ULK4: variants seen among roughly 807,000 people sequenced by gnomAD.
ULK4 encodes inactive serine/threonine-protein kinase ULK4.
In ULK4, 133 loss-of-function variants were observed where a neutral mutation model predicts 160.6. That is an observed-to-expected ratio of 0.83 (90% CI 0.72 to 0.96). The LOEUF is 0.96. Among genes scored for constraint, ULK4 ranks in the 40% least tolerant of loss-of-function variants. ULK4 has a pLI of 0.00. For missense variants in ULK4, 1,580 were observed against 1,499.5 expected, an observed-to-expected ratio of 1.05 and a Z score of -0.89; for synonymous variants, 534 against 539.8, an observed-to-expected ratio of 0.99 and a Z score of 0.15.
intron 21 of ULK4, among the ~76,000 whole-genome samples, chr3:41,774,630 G>A (rs1210968677): frequency 6.7e-6 from 1 of 149,664 alleles, no homozygotes; most frequent in Non-Finnish European, 1.5e-5. Context: ...TGGTGGGACT[G>A]TAAACTAGTT....
At chr3:41,373,105 T>C (rs138557568) in intron 35 of ULK4, among the ~76,000 whole-genome samples, 251 of 152,266 alleles carry the variant, frequency 1.6e-3, no homozygotes, top group African/African-American at 5.8e-3. Context: ...TAAATATATA[T>C]GCACCCAATA....
At chr3:41,947,014 TC>T (rs1369643992) in intron 2 of ULK4, among the ~76,000 whole-genome samples, 1 of 152,138 alleles carries the variant, frequency 6.6e-6, no homozygotes, top group Non-Finnish European at 1.5e-5. Context: ...TGTTACATTA[TC>T]CAGCAGTGTC....
intron 35 of ULK4, among the ~76,000 whole-genome samples, chr3:41,291,302 G>A (rs904192058): frequency 6.7e-6 from 1 of 150,222 alleles, no homozygotes; most frequent in African/African-American, 2.5e-5. Flanking sequence ...AGTATAAGAG[G>A]AAAGAAAGGA....
intron 19 of ULK4, among the ~76,000 whole-genome samples, chr3:41,805,607 A>G (rs1264759734): frequency 6.6e-6 from 1 of 151,016 alleles, no homozygotes; most frequent in African/African-American, 2.4e-5. Context: ...TCAGTATGAT[A>G]CTGGCTGTGG....
rs1268538484 is a variant in ULK4, at chr3:41,485,647, T to C, written c.3227-22394A>G. 2.0e-5 allele frequency among the ~76,000 whole-genome samples: 3 copies of C among 152,220 alleles called. No homozygotes were observed. The East Asian group carries it at 5.8e-4, about 29-fold the overall frequency. Reference sequence around the variant, plus strand: ...CTCAGAGTGAGTCCATTCTAGCTGATGTTGCGGGAGGTGTAGAGCAGTATT... The same window carrying C: ...CTCAGAGTGAGTCCATTCTAGCTGACGTTGCGGGAGGTGTAGAGCAGTATT... On this transcript the variant is annotated intron_variant, in intron 32 of 36. Transcript: ENST00000301831.
chr3:41,451,600 T>C (rs1006881998), intron 34 of ULK4, among the ~76,000 whole-genome samples: 4 of 152,224 alleles, frequency 2.6e-5, no homozygotes, highest in South Asian at 4.1e-4. Flanking sequence ...ACATTCAGTC[T>C]TGGATTTCTG....
At chr3:41,552,908 T>C (rs1245869578) in intron 32 of ULK4, among the ~76,000 whole-genome samples, 2 of 152,074 alleles carry the variant, frequency 1.3e-5, no homozygotes, top group East Asian at 1.9e-4. Context: ...ATCAGACATA[T>C]AGATCAATGG....
chr3:41,654,309 T>G (rs537103391), intron 30 of ULK4, among the ~76,000 whole-genome samples: 14 of 152,316 alleles, frequency 9.2e-5, no homozygotes, highest in South Asian at 2.1e-4. Flanking sequence ...GAGGTGCTAT[T>G]TTACTAACAC....
intron 34 of ULK4, among the ~76,000 whole-genome samples, chr3:41,427,497 T>C (rs111423122): frequency 0.013 from 2,023 of 152,304 alleles, 31 homozygotes; most frequent in Non-Finnish European, 0.019. Flanking sequence ...CTGTCCCTGA[T>C]GAACATCAAT....
chr3:41,715,179 CAA>C, intron 25 of ULK4, 56 bp downstream of exon 25: 1 of 1,532,024 alleles, frequency 6.5e-7, no homozygotes, highest in Non-Finnish European at 9.0e-7. Context: ...TCAAATTCTA[CAA>C]ACAGTAGAGG....
At chr3:41,744,703 G>GA (rs1363047838) in intron 22 of ULK4, among the ~76,000 whole-genome samples, 1 of 151,738 alleles carries the variant, frequency 6.6e-6, no homozygotes, top group Non-Finnish European at 1.5e-5. Flanking sequence ...ACAACGCAAT[G>GA]AAACAACAAA....
intron 35 of ULK4, among the ~76,000 whole-genome samples, chr3:41,325,940 A>T (rs1034488139): frequency 2.0e-5 from 3 of 151,938 alleles, no homozygotes; most frequent in Non-Finnish European, 4.4e-5. Flanking sequence ...ATAAATAAGT[A>T]ATAGATATAT....
At chr3:41,492,497 G>T (rs1053835600) in intron 32 of ULK4, among the ~76,000 whole-genome samples, 1 of 150,256 alleles carries the variant, frequency 6.7e-6, no homozygotes, top group African/African-American at 2.5e-5. Flanking sequence ...AGACCATTGA[G>T]ACTAGGAAGA....
At chr3:41,809,115 G>A (rs1446885139) in intron 19 of ULK4, among the ~76,000 whole-genome samples, 2 of 149,016 alleles carry the variant, frequency 1.3e-5, no homozygotes, top group Non-Finnish European at 3.0e-5. Flanking sequence ...GCAGTGAGCC[G>A]TGATCACCCC....
intron 2 of ULK4, among the ~76,000 whole-genome samples, chr3:41,944,168 G>A (rs1027135359): frequency 4.6e-5 from 7 of 152,204 alleles, no homozygotes; most frequent in Non-Finnish European, 8.8e-5. Flanking sequence ...TAAAGTGACA[G>A]TGGCCATCCA....
intron 30 of ULK4, among the ~76,000 whole-genome samples, chr3:41,627,262 T>G (rs2033558237): frequency 6.6e-6 from 1 of 152,170 alleles, no homozygotes; most frequent in Non-Finnish European, 1.5e-5. Flanking sequence ...AATCTCTGCC[T>G]GTTCTGAGCT....
chr3:41,417,343 A>G (rs905800566), intron 34 of ULK4, among the ~76,000 whole-genome samples: 1 of 152,186 alleles, frequency 6.6e-6, no homozygotes, highest in Non-Finnish European at 1.5e-5. Flanking sequence ...AGGAAGGGGA[A>G]TATGTCTAGA....
At chr3:41,961,214 G>C (rs1363267188) in intron 1 of ULK4, among the ~76,000 whole-genome samples, 1 of 152,168 alleles carries the variant, frequency 6.6e-6, no homozygotes, top group Non-Finnish European at 1.5e-5. Flanking sequence ...CGCTGAGAGC[G>C]AACAGGTGAT....
chr3:41,393,095 T>C (rs1398800762), intron 35 of ULK4, among the ~76,000 whole-genome samples: 4 of 152,214 alleles, frequency 2.6e-5, no homozygotes, highest in Admixed American at 2.0e-4. Context: ...GTCTGACCTA[T>C]ATGTGTCTGC....
Sources: gnomAD v4.1 joint callset for allele counts (sites outside exome capture counted in the v4.1 genomes callset) on GRCh38, gnomAD v4.1.1 for gene constraint, MANE v1.5 for transcripts, NCBI Gene and HGNC (gene_info 2026-07-23, HGNC 2026-07-21) for gene names.